The following TMEM177 variants were observed in gnomAD, a reference collection of about 807,000 sequenced individuals.
TMEM177 encodes transmembrane protein 177.
Under a neutral mutation model 14.2 loss-of-function variants are expected in TMEM177, and 4 were observed. The observed-to-expected ratio is 0.28, with a 90% confidence interval of 0.14 to 0.64. TMEM177 has a LOEUF of 0.64. Among genes scored for constraint, TMEM177 ranks in the 30% least tolerant of loss-of-function variants. The probability of loss-of-function intolerance (pLI) is 0.82; values close to 1 mark genes in which losing one functional copy is unlikely to be tolerated. For synonymous variants in TMEM177, 179 were observed against 174.5 expected, an observed-to-expected ratio of 1.03 and a Z score of -0.20; for missense variants, 344 against 405.2, an observed-to-expected ratio of 0.85 and a Z score of 1.30.
the TMEM177 span, among the ~76,000 whole-genome samples, chr2:119,698,081 G>A: frequency 6.9e-6 from 1 of 144,228 alleles, no homozygotes; most frequent in Non-Finnish European, 1.6e-5. Context: ...AGGAAGGTGA[G>A]GGCAGAACTT....
the TMEM177 span, among the ~76,000 whole-genome samples, chr2:119,704,256 A>G: frequency 1.3e-5 from 2 of 152,186 alleles, no homozygotes; most frequent in African/African-American, 4.8e-5. Flanking sequence ...AGCTGCCATA[A>G]GTTACTACCA....
the TMEM177 span, among the ~76,000 whole-genome samples, chr2:119,714,270 C>A: frequency 6.6e-6 from 1 of 152,160 alleles, no homozygotes; most frequent in African/African-American, 2.4e-5. Flanking sequence ...AGCCCCATGG[C>A]CGATCTGCTG....
downstream of TMEM177, among the ~76,000 whole-genome samples, chr2:119,683,012 G>A (rs1688941796): frequency 1.3e-5 from 2 of 152,210 alleles, no homozygotes. Flanking sequence ...TTGTGATCAG[G>A]GAGCCAGACC....
At chr2:119,696,630 TGGGTATA>T in the TMEM177 span, among the ~76,000 whole-genome samples, 1 of 152,082 alleles carries the variant, frequency 6.6e-6, no homozygotes, top group Non-Finnish European at 1.5e-5. Flanking sequence ...TGGGAAGGGC[TGGGTATA>T]GGGGGCAGAT....
the TMEM177 span, among the ~76,000 whole-genome samples, chr2:119,703,201 AT>A: frequency 6.6e-6 from 1 of 152,140 alleles, no homozygotes; most frequent in Non-Finnish European, 1.5e-5. Context: ...CCAGCCCTGC[AT>A]TTTCCTCTAG....
chr2:119,694,787 G>A, the TMEM177 span, among the ~76,000 whole-genome samples: 1 of 152,254 alleles, frequency 6.6e-6, no homozygotes, highest in African/African-American at 2.4e-5. Context: ...TCATGTGCTT[G>A]TGTCAGGGCA....
chr2:119,698,962 A>G, the TMEM177 span: 1 of 162,396 alleles, frequency 6.2e-6, no homozygotes, highest in South Asian at 1.7e-4. Flanking sequence ...ATGCCACTGC[A>G]CTGCAGCTTC....
chr2:119,697,102 G>A, the TMEM177 span, among the ~76,000 whole-genome samples: 2 of 152,222 alleles, frequency 1.3e-5, no homozygotes, highest in Non-Finnish European at 2.9e-5. Flanking sequence ...TTCCTCAAGA[G>A]ATCCAAAGGT....
chr2:119,680,672 G>A (rs1165222292), intron 1 of TMEM177, among the ~76,000 whole-genome samples, 160 bp from the exon 2 acceptor site: 2 of 152,146 alleles, frequency 1.3e-5, no homozygotes, highest in Non-Finnish European at 2.9e-5. Flanking sequence ...GCACAGAGAC[G>A]GAGCTGGGAT....
chr2:119,701,968 G>T, the TMEM177 span, among the ~76,000 whole-genome samples: 3 of 152,350 alleles, frequency 2.0e-5, no homozygotes, highest in East Asian at 5.8e-4. Flanking sequence ...AGGGTCTGCA[G>T]AATATCTCAA....
the TMEM177 span, among the ~76,000 whole-genome samples, chr2:119,717,279 A>G: frequency 0.23 from 34,292 of 151,722 alleles, 3,997 homozygotes; most frequent in South Asian, 0.32. Context: ...ACAGTGAGCC[A>G]AGATTGCACC....
At chr2:119,694,440 T>G in the TMEM177 span, among the ~76,000 whole-genome samples, 1 of 152,214 alleles carries the variant, frequency 6.6e-6, no homozygotes, top group African/African-American at 2.4e-5. Context: ...TCAGCATATC[T>G]GAAGCAGAGG....
At chr2:119,691,432 A>G (rs1689093541), downstream of TMEM177, among the ~76,000 whole-genome samples, 1 of 152,104 alleles carries the variant, frequency 6.6e-6, no homozygotes, top group African/African-American at 2.4e-5. Flanking sequence ...CAGTGACTGA[A>G]TTAGAGCTGG....
the TMEM177 span, among the ~76,000 whole-genome samples, chr2:119,703,616 C>T: frequency 6.6e-6 from 1 of 152,194 alleles, no homozygotes; most frequent in Non-Finnish European, 1.5e-5. Flanking sequence ...ATTCGTTCTT[C>T]CAGAATCATG....
chr2:119,717,083 G>A, the TMEM177 span, among the ~76,000 whole-genome samples: 4 of 152,146 alleles, frequency 2.6e-5, no homozygotes, highest in East Asian at 3.9e-4. Context: ...GCCAAGATCC[G>A]ATTCTTCATG....
chr2:119,682,092 A>G lies in TMEM177; in HGVS notation c.*303A>G, dbSNP rs1574268861. 3 of 309,018 alleles carry G rather than the reference A, an allele frequency of 9.7e-6. No homozygotes were observed. The highest frequency in any genetic ancestry group is 1.2e-4 in the East Asian group (2 of 16,562). The allele number at this position is 309,018 out of a possible 1,614,324, so 19.1% of individuals were successfully genotyped here. A position where few individuals can be genotyped will look rare whatever the true frequency, so the allele number is the denominator to read the frequency against. On this transcript the variant is annotated 3_prime_UTR_variant, in exon 2 of 2. Transcript: ENST00000272521. ...CATAAGGGCCTGGCACAAAGGGTGCACTGTAAATAAACAGACATCCCTCCT... is the reference window on the plus strand; with the variant it reads ...CATAAGGGCCTGGCACAAAGGGTGCGCTGTAAATAAACAGACATCCCTCCT...
chr2:119,694,058 TGCAACATACACAC>T, the TMEM177 span, among the ~76,000 whole-genome samples: 3 of 3,788 alleles, frequency 7.9e-4, no homozygotes, highest in Non-Finnish European at 1.6e-3. Context: ...ATCACGCACA[TGCAACATACACAC>T]ACAACATACA....
downstream of TMEM177, among the ~76,000 whole-genome samples, chr2:119,688,753 T>C (rs1479587082): frequency 6.6e-6 from 1 of 152,184 alleles, no homozygotes; most frequent in African/African-American, 2.4e-5. Context: ...CTGGCATCCC[T>C]GCTTCTGGCC....
the TMEM177 span, among the ~76,000 whole-genome samples, chr2:119,720,771 AT>A: frequency 6.6e-6 from 1 of 152,144 alleles, no homozygotes; most frequent in African/African-American, 2.4e-5. Context: ...TGTTTAAGTT[AT>A]TTTTTGTTGG....
Sources: allele counts gnomAD v4.1 joint callset (sites outside exome capture counted in the v4.1 genomes callset), GRCh38; gene constraint gnomAD v4.1.1; transcripts MANE v1.5; gene names NCBI Gene and HGNC (gene_info 2026-07-23, HGNC 2026-07-21).